The following ZNF569 variants were observed in gnomAD, a reference collection of about 807,000 sequenced individuals.
The protein encoded by ZNF569 is zinc finger protein 569, also known as DNA-binding protein.
Under a neutral mutation model 56.3 loss-of-function variants are expected in ZNF569, and 38 were observed. That is an observed-to-expected ratio of 0.68 (90% CI 0.52 to 0.88). ZNF569 has a LOEUF of 0.88. ZNF569 is among the 40% of genes least tolerant of loss of function. The pLI is 0.00. For synonymous variants in ZNF569, 241 were observed against 262.9 expected, an observed-to-expected ratio of 0.92 and a Z score of 0.81; for missense variants, 666 against 809.2, an observed-to-expected ratio of 0.82 and a Z score of 2.15.
chr19:37,459,074 A>G (rs61302421), intron 2 of ZNF569, among the ~76,000 whole-genome samples: 361 of 152,316 alleles, frequency 2.4e-3, no homozygotes, highest in African/African-American at 8.4e-3. Context: ...ACATGTATCT[A>G]TTAAACAGAC....
chr19:37,451,454 C>T (rs973530792), intron 2 of ZNF569, among the ~76,000 whole-genome samples: 10 of 149,290 alleles, frequency 6.7e-5, no homozygotes, highest in African/African-American at 1.7e-4. Flanking sequence ...ATTAGGTCTA[C>T]AGTGTTATTC....
rs950118093 is a variant in ZNF569 at position 37,413,463 on chromosome 19, C to G, written c.1195G>C (p.Val399Leu). Residue 399 changes from valine to leucine, a missense_variant, in exon 6 of 6, where the codon GTA becomes CTA. Transcript: ENST00000316950. ...KAFSQSSALT[V>L]HMRSHTGEKP... ...TCACCAGTGTGACTTCTCATATGTA[C>G]AGTAAGGGCTGAGCTTTGAGAGAAG... is the stretch of plus-strand genomic sequence containing the variant. 6.2e-7 allele frequency: 1 copy of G among 1,613,366 alleles called. No individual in the cohort carries two copies. The highest frequency in any genetic ancestry group is 8.5e-7 in the Non-Finnish European group (1 of 1,179,788).
At chr19:37,428,588 G>A (rs1242333992) in intron 3 of ZNF569, among the ~76,000 whole-genome samples, 1 of 147,196 alleles carries the variant, frequency 6.8e-6, no homozygotes, top group African/African-American at 2.5e-5. Flanking sequence ...TGTTTAGTAA[G>A]TTTAAGGAAG....
intron 3 of ZNF569, among the ~76,000 whole-genome samples, chr19:37,437,015 C>CAAAAAAAAA (rs368735580): frequency 2.0e-5 from 2 of 100,156 alleles, no homozygotes; most frequent in Non-Finnish European, 2.2e-5. Flanking sequence ...CAAGACACAT[C>CAAAAAAAAA]AAAAAAAAAA....
intron 5 of ZNF569, among the ~76,000 whole-genome samples, chr19:37,417,098 GGAGA>G (rs1400515737): frequency 6.6e-6 from 1 of 152,142 alleles, no homozygotes; most frequent in Non-Finnish European, 1.5e-5. Context: ...ATGTGAAGAT[GGAGA>G]GACAGAGTAG....
chr19:37,422,774 G>C (rs569547159), intron 5 of ZNF569, among the ~76,000 whole-genome samples: 1 of 152,040 alleles, frequency 6.6e-6, no homozygotes, highest in East Asian at 1.9e-4. Flanking sequence ...ATTATGGTGC[G>C]GGGGGAATAG....
At chr19:37,425,985 G>T in intron 4 of ZNF569, 22 bp from the exon 5 acceptor site, 1 of 1,611,326 alleles carries the variant, frequency 6.2e-7, no homozygotes, top group South Asian at 1.1e-5. Flanking sequence ...AAGTTACATA[G>T]ATTTGGGCAT....
intron 5 of ZNF569, among the ~76,000 whole-genome samples, chr19:37,416,048 C>T (rs951426070): frequency 6.6e-6 from 1 of 151,690 alleles, no homozygotes; most frequent in African/African-American, 2.4e-5. Context: ...GACTGAGCAA[C>T]ATGGCAAAAC....
chr19:37,455,758 C>T (rs2041661420), intron 2 of ZNF569, among the ~76,000 whole-genome samples: 1 of 152,132 alleles, frequency 6.6e-6, no homozygotes, highest in Non-Finnish European at 1.5e-5. Flanking sequence ...TACCACACCA[C>T]TTTGCAACAC....
intron 3 of ZNF569, among the ~76,000 whole-genome samples, chr19:37,433,009 T>A (rs2041250478): frequency 1.3e-5 from 2 of 150,388 alleles, no homozygotes; most frequent in African/African-American, 4.9e-5. Context: ...GCTCAAGTGA[T>A]CCTCCTACCT....
In ZNF569 at chr19:37,413,079, A is replaced by T; in HGVS notation, c.1579T>A (p.Cys527Ser). The stretch of plus-strand genomic sequence containing the variant: ...GCAATTTGAGAGAAGGCTTTACCAC[A>T]TTCATTACAATCATAAGGTTTCTCT... ...TGEKPYDCNE[C>S]GKAFSQIASL... Residue 527 changes from cysteine (C) to serine (S), a missense_variant, in exon 6 of 6, where the codon TGT (cysteine) becomes AGT (serine). Transcript: ENST00000316950. 2 of 1,613,954 alleles carry T rather than the reference A, an allele frequency of 1.2e-6. No individual in the cohort carries two copies. Among genetic ancestry groups the T allele is most frequent in the Non-Finnish European group, 1.7e-6 (2 of 1,179,914 alleles).
intron 3 of ZNF569, among the ~76,000 whole-genome samples, chr19:37,433,455 A>G (rs1248322719): frequency 2.6e-5 from 4 of 152,206 alleles, no homozygotes; most frequent in Admixed American, 2.0e-4. Flanking sequence ...ACAATAGAGA[A>G]CTTCCCAAAC....
intron 2 of ZNF569, among the ~76,000 whole-genome samples, chr19:37,455,932 C>T (rs2041664236): frequency 6.6e-6 from 1 of 152,208 alleles, no homozygotes; most frequent in South Asian, 2.1e-4. Flanking sequence ...GTTGCAACTA[C>T]AGGAATCAAA....
chr19:37,430,146 A>G (rs964598370), intron 3 of ZNF569, among the ~76,000 whole-genome samples: 2 of 151,722 alleles, frequency 1.3e-5, no homozygotes, highest in Admixed American at 6.6e-5. Flanking sequence ...AGTGAGTTAT[A>G]ATTGTGCCAC....
chr19:37,431,986 G>C (rs1046373959), intron 3 of ZNF569, among the ~76,000 whole-genome samples: 8 of 152,188 alleles, frequency 5.3e-5, no homozygotes, highest in African/African-American at 1.7e-4. Flanking sequence ...ACTTTGCCAT[G>C]TGGCTTGGGT....
Position 37,412,370 on chromosome 19 carries a change from T to C in ZNF569, c.*227A>G. ...TTGTTTCAGATTTCAATGAGAATGC[T>C]GATTAAATATTATCAATAAGATGTC... is the stretch of plus-strand genomic sequence containing the variant. On this transcript the variant is annotated 3_prime_UTR_variant, in exon 6 of 6. Transcript: ENST00000316950. 2 of 626,364 alleles carry C rather than the reference T, an allele frequency of 3.2e-6. No homozygotes were observed. Among genetic ancestry groups the C allele is most frequent in the Non-Finnish European group, 4.7e-6 (2 of 427,194 alleles). The allele number at this position is 626,364 out of a possible 1,614,324, so 38.8% of individuals were successfully genotyped here.
chr19:37,426,234 A>T lies in ZNF569; in HGVS notation c.142+18T>A, dbSNP rs1281307323. 1 of 1,592,382 alleles carries T rather than the reference A, an allele frequency of 6.3e-7. No homozygotes were observed. Among genetic ancestry groups the T allele is most frequent in the Admixed American group, 1.9e-5 (1 of 53,384 alleles). On this transcript the variant is annotated intron_variant, in intron 4 of 5. Transcript: ENST00000316950. ...ACTTTCTTTCCAGAGTTTGAATTATATAGTAAATTACTCTTACCTACTGTG... is the reference window on the plus strand; with the variant it reads ...ACTTTCTTTCCAGAGTTTGAATTATTTAGTAAATTACTCTTACCTACTGTG...
At chr19:37,459,915 A>G (rs1024312069) in intron 2 of ZNF569, among the ~76,000 whole-genome samples, 1 of 152,200 alleles carries the variant, frequency 6.6e-6, no homozygotes, top group Non-Finnish European at 1.5e-5. Flanking sequence ...ACACATTGAA[A>G]ACTCTAGGGT....
At position 37,413,663 on chromosome 19, in the gene ZNF569, C is replaced by T. The variant is rs1329651007; in HGVS notation, c.995G>A (p.Gly332Asp). The T allele has an allele frequency of 1.9e-6, 3 of 1,613,906 alleles. No individual in the cohort carries two copies. Among genetic ancestry groups the T allele is most frequent in the Non-Finnish European group, 2.5e-6 (3 of 1,179,972 alleles). The change falls in exon 6 of 6, where the codon GGT becomes GAT. Residue 332 changes from glycine (G) to aspartate (D), a missense_variant. Physicochemically the swap from Gly to Asp is moderately conservative, Grantham distance 94. Coordinates refer to ENST00000316950, the MANE Select transcript of ZNF569 (RefSeq NM_152484.3). ...GEKPYACNEC[G>D]KAFPRIASLA... is the part of the protein sequence containing the mutation. ...GGATGCAATTCGAGGGAAGGCTTTACCACATTCATTACATGCATAAGGTTT... is the reference window on the plus strand; with the variant it reads ...GGATGCAATTCGAGGGAAGGCTTTATCACATTCATTACATGCATAAGGTTT...
Sources: allele counts gnomAD v4.1 joint callset (sites outside exome capture counted in the v4.1 genomes callset), GRCh38; gene constraint gnomAD v4.1.1; transcripts MANE v1.5; gene names NCBI Gene and HGNC (gene_info 2026-07-23, HGNC 2026-07-21).